NRCAM: variants seen among roughly 807,000 people sequenced by gnomAD.
The protein encoded by NRCAM is NgCAM-related cell adhesion molecule.
In NRCAM, 83 loss-of-function variants were observed where a neutral mutation model predicts 156.5. The observed-to-expected ratio is 0.53, with a 90% confidence interval of 0.44 to 0.64. NRCAM has a LOEUF of 0.64. Among genes scored for constraint, NRCAM ranks in the 30% least tolerant of loss-of-function variants. NRCAM has a pLI of 0.00. For missense variants in NRCAM, 1,417 were observed against 1,597.3 expected (o/e 0.89, Z 1.92); for synonymous variants, 538 against 563.9 (o/e 0.95, Z 0.65).
intron 1 of NRCAM, among the ~76,000 whole-genome samples, chr7:108,402,952 C>A (rs557269837): frequency 7.6e-6 from 1 of 130,992 alleles, no homozygotes; most frequent in African/African-American, 2.5e-5. Flanking sequence ...AAAGACCATA[C>A]GAGAGAGCAT....
intron 5 of NRCAM, 81 bp downstream of exon 5, chr7:108,237,671 T>C: frequency 9.3e-7 from 1 of 1,077,218 alleles, no homozygotes; most frequent in Non-Finnish European, 1.3e-6. Context: ...AAATTGTGCA[T>C]TTAAATCACA....
intron 28 of NRCAM, among the ~76,000 whole-genome samples, chr7:108,171,881 T>G (rs989890601): frequency 6.6e-6 from 1 of 152,180 alleles, no homozygotes; most frequent in Non-Finnish European, 1.5e-5. Context: ...TGTTTTCGTA[T>G]AGGCCAAAAA....
At chr7:108,187,591 T>A (rs427591) in intron 20 of NRCAM, among the ~76,000 whole-genome samples, 110,850 of 151,740 alleles carry the variant, frequency 0.73, 41,857 homozygotes, top group East Asian at 0.97. Flanking sequence ...ATAAACACAG[T>A]CATATGTATT....
In NRCAM at chr7:108,238,966, C is replaced by T. The variant is rs955420398; in HGVS notation, c.106+993G>A. 4.6e-5 allele frequency among the ~76,000 whole-genome samples: 7 copies of T among 151,764 alleles called. No homozygotes were observed. The South Asian group carries it at 6.3e-4, about 14-fold the overall frequency. ...ATAATAAATAAATAAAAATGACATC[C>T]CAACAATTGAATAGCCCCAGGAAAG... On this transcript the variant is annotated intron_variant, in intron 4 of 32. Coordinates refer to ENST00000379028, the MANE Select transcript of NRCAM (RefSeq NM_001037132.4).
At chr7:108,398,431 A>C (rs909336023) in intron 2 of NRCAM, among the ~76,000 whole-genome samples, 15 of 152,026 alleles carry the variant, frequency 9.9e-5, no homozygotes, top group African/African-American at 3.4e-4. Flanking sequence ...CCCTCCTTCA[A>C]TATTGCTCTA....
intron 1 of NRCAM, among the ~76,000 whole-genome samples, chr7:108,417,514 G>C (rs1262336836): frequency 6.6e-6 from 1 of 152,148 alleles, no homozygotes; most frequent in Non-Finnish European, 1.5e-5. Flanking sequence ...CTGTTACAAA[G>C]GCAATTAAAT....
At chr7:108,393,209 T>C (rs2099766528) in intron 2 of NRCAM, among the ~76,000 whole-genome samples, 1 of 152,170 alleles carries the variant, frequency 6.6e-6, no homozygotes, top group Admixed American at 6.5e-5. Flanking sequence ...TGAGGTGGAC[T>C]CTACCCAGTT....
intron 3 of NRCAM, among the ~76,000 whole-genome samples, chr7:108,259,134 T>G (rs769057095): frequency 2.0e-5 from 3 of 152,204 alleles, no homozygotes; most frequent in Non-Finnish European, 4.4e-5. Context: ...GGACAGAGTT[T>G]CTCTAGAGGA....
intron 1 of NRCAM, among the ~76,000 whole-genome samples, chr7:108,450,370 A>C (rs1299992359): frequency 6.6e-6 from 1 of 152,134 alleles, no homozygotes; most frequent in African/African-American, 2.4e-5. Context: ...AGGCCAGTAA[A>C]ATAGGTCAAT....
At chr7:108,250,347 G>C (rs1470534546) in intron 3 of NRCAM, among the ~76,000 whole-genome samples, 1 of 148,046 alleles carries the variant, frequency 6.8e-6, no homozygotes, top group Non-Finnish European at 1.5e-5. Context: ...GATGGCTTGA[G>C]CCTGGGAGGC....
At chr7:108,304,418 T>C (rs1435967541) in intron 3 of NRCAM, among the ~76,000 whole-genome samples, 1 of 151,798 alleles carries the variant, frequency 6.6e-6, no homozygotes, top group Non-Finnish European at 1.5e-5. Context: ...CATATGTGTG[T>C]ATATGAACAG....
At chr7:108,166,248 CTTT>C (rs1034778488) in intron 30 of NRCAM, among the ~76,000 whole-genome samples, 7 of 130,048 alleles carry the variant, frequency 5.4e-5, no homozygotes, top group Non-Finnish European at 3.3e-5. Flanking sequence ...TCTTTCTTTT[CTTT>C]TTTTTTTTTT....
intron 2 of NRCAM, among the ~76,000 whole-genome samples, chr7:108,339,137 A>G (rs1427749735): frequency 6.6e-6 from 1 of 152,254 alleles, no homozygotes; most frequent in Non-Finnish European, 1.5e-5. Context: ...CCCTTAACCC[A>G]GAAGATTTCC....
chr7:108,202,798 T>G (rs1230252767), intron 13 of NRCAM, among the ~76,000 whole-genome samples: 1 of 152,206 alleles, frequency 6.6e-6, no homozygotes, highest in African/African-American at 2.4e-5. Flanking sequence ...CTTCTGCCCA[T>G]TCTCATTCTC....
rs774617526 is a variant in NRCAM at position 108,302,053 on chromosome 7, C to CA, written c.-107+10611dup. ...CCCTTTCTAAATAGTGACCAAAGTACAAAAAAAAAAACCCACAACAAATCA... is the reference window on the plus strand; with the variant it reads ...CCCTTTCTAAATAGTGACCAAAGTACAAAAAAAAAAAACCCACAACAAATCA... On this transcript the variant is annotated intron_variant, in intron 3 of 32. Transcript: ENST00000379028. 6.7e-3 allele frequency among the ~76,000 whole-genome samples: 937 copies of CA among 139,534 alleles called. 7 individuals are homozygous for CA. Among genetic ancestry groups the CA allele is most frequent in the Middle Eastern group, 0.011 (3 of 272 alleles). 91.5% of individuals were successfully genotyped at this position (139,534 alleles called of 152,430 possible). A position where few individuals can be genotyped will look rare whatever the true frequency, so the allele number is the denominator to read the frequency against.
intron 6 of NRCAM, among the ~76,000 whole-genome samples, chr7:108,234,065 C>T (rs16872448): frequency 0.041 from 6,203 of 152,264 alleles, 197 homozygotes; most frequent in South Asian, 0.11. Flanking sequence ...CCATTTTAGA[C>T]TATTTTATAA....
chr7:108,419,901 T>G (rs1028602198), intron 1 of NRCAM, among the ~76,000 whole-genome samples: 1 of 152,180 alleles, frequency 6.6e-6, no homozygotes, highest in South Asian at 2.1e-4. Flanking sequence ...AATGAGTGTA[T>G]GTAAAAAGGA....
rs1413782349 is a variant in NRCAM, at chr7:108,239,262, CTGT to C, written c.106+694_106+696del. Among the ~76,000 whole-genome samples the C allele has an allele frequency of 2.6e-5, 4 of 152,060 alleles. No homozygotes were observed. The East Asian group carries it at 5.8e-4, about 22-fold the overall frequency. On this transcript the variant is annotated intron_variant, in intron 4 of 32. Transcript: ENST00000379028. ...GGAAAATGGAGGGCTAATACAGTAG[CTGT>C]TGTTTGCTCCATTTTAGTGCTTTGC...
intron 2 of NRCAM, among the ~76,000 whole-genome samples, chr7:108,314,434 C>A (rs569880793): frequency 5.9e-5 from 9 of 152,130 alleles, no homozygotes; most frequent in Non-Finnish European, 1.3e-4. Context: ...ATGCAATCAA[C>A]TTACCCTATT....
Sources: allele counts gnomAD v4.1 joint callset (sites outside exome capture counted in the v4.1 genomes callset), GRCh38; gene constraint gnomAD v4.1.1; transcripts MANE v1.5; gene names NCBI Gene and HGNC (gene_info 2026-07-23, HGNC 2026-07-21).